Variants in KDM2B observed in about 807,000 individuals in gnomAD.
The protein encoded by KDM2B is lysine demethylase 2B.
A neutral mutation model predicts 150.0 loss-of-function variants in KDM2B; 26 were observed. The ratio of observed to expected loss-of-function variants is 0.17; its 90% CI spans 0.13 to 0.24. The LOEUF (loss-of-function observed/expected upper bound fraction) is 0.24. KDM2B is among the 10% of genes least tolerant of loss of function. The pLI, the probability that KDM2B is intolerant of heterozygous loss-of-function variation, is 1.00. For missense variants in KDM2B, 1,265 were observed against 1,816.9 expected (o/e 0.70, Z 5.52); for synonymous variants, 734 against 729.5 (o/e 1.01, Z -0.10).
At chr12:121,550,164 G>T (rs565168103) in intron 4 of KDM2B, among the ~76,000 whole-genome samples, 1 of 152,248 alleles carries the variant, frequency 6.6e-6, no homozygotes, top group African/African-American at 2.4e-5. Flanking sequence ...ACAAAAAATA[G>T]CCGGGCGTGG....
At chr12:121,509,278 G>A (rs554276999) in intron 11 of KDM2B, among the ~76,000 whole-genome samples, 24 of 151,760 alleles carry the variant, frequency 1.6e-4, no homozygotes, top group Admixed American at 8.5e-4. Context: ...TAGCCAGGCT[G>A]GTCTTGAACT....
chr12:121,456,563 G>A (rs1338713377), intron 12 of KDM2B, among the ~76,000 whole-genome samples: 6 of 152,172 alleles, frequency 3.9e-5, no homozygotes, highest in Non-Finnish European at 5.9e-5. Context: ...GTCTAAAGAC[G>A]AGCTTCTCTG....
chr12:121,509,734 G>A lies in KDM2B; in HGVS notation c.1480C>T (p.Pro494Ser). The change falls in exon 11 of 23, where the codon CCC (proline) becomes TCC (serine). Residue 494 changes from proline (P) to serine (S), a missense_variant. Around this residue, in one of 11 missense-constraint regions of KDM2B, gnomAD observed 154 missense variants for 162.5 expected, o/e 0.95. Coordinates refer to ENST00000377071, the MANE Select transcript of KDM2B (RefSeq NM_032590.5). ...ACCTCCGTGGCGGGAGAGCCGGTGGGGGTCTTGGGGTAGTCTACGGCCAAT... is the reference window on the plus strand; with the variant it reads ...ACCTCCGTGGCGGGAGAGCCGGTGGAGGTCTTGGGGTAGTCTACGGCCAAT... ...TTLAVDYPKT[P>S]TGSPATEVSA... 1 of 1,614,106 alleles carries A rather than the reference G, an allele frequency of 6.2e-7. No homozygotes were observed. Among genetic ancestry groups the A allele is most frequent in the South Asian group, 1.1e-5 (1 of 91,084 alleles).
At chr12:121,572,368 C>G (rs1474838304) in intron 4 of KDM2B, among the ~76,000 whole-genome samples, 13 of 152,230 alleles carry the variant, frequency 8.5e-5, no homozygotes, top group Admixed American at 4.6e-4. Context: ...CACATCCCAG[C>G]TCCGTGGCCT....
chr12:121,524,678 C>G (rs549544326), intron 8 of KDM2B: 1 of 454,316 alleles, frequency 2.2e-6, no homozygotes, highest in South Asian at 1.6e-5. Context: ...ATCCATACCC[C>G]TCCTCCGATG....
the KDM2B span, among the ~76,000 whole-genome samples, chr12:121,412,005 A>G: frequency 1.3e-5 from 2 of 152,172 alleles, no homozygotes; most frequent in Non-Finnish European, 2.9e-5. Context: ...CAGTTTTAAG[A>G]GTGCATACTC....
chr12:121,426,620 ATTTTTTTTT>A (rs34070273), downstream of KDM2B, among the ~76,000 whole-genome samples: 8 of 113,552 alleles, frequency 7.0e-5, no homozygotes, highest in African/African-American at 2.7e-4. Flanking sequence ...ATTTTAAACA[ATTTTTTTTT>A]TTTTTTTTTT....
rs1479037965 is a variant in KDM2B at position 121,480,636 on chromosome 12, TGGTGCACACCTGTAGTCCCA to T, written c.1734+13923_1734+13942del. Among the ~76,000 whole-genome samples, 318 of 135,780 alleles carry T rather than the reference TGGTGCACACCTGTAGTCCCA, an allele frequency of 2.3e-3. 3 individuals carry two copies. The highest frequency in any genetic ancestry group is 8.2e-3 in the African/African-American group (296 of 36,262). 89.1% of individuals were successfully genotyped at this position (135,780 alleles called of 152,430 possible). A position where few individuals can be genotyped will look rare whatever the true frequency, so the allele number is the denominator to read the frequency against. ...CCACAAAAAACTTAGCCGGGTGTGGTGGTGCACACCTGTAGTCCCAGGTACTCAGGAGGCTGAGGTGAGAG... is the reference window on the plus strand; with the variant it reads ...CCACAAAAAACTTAGCCGGGTGTGGTGGTACTCAGGAGGCTGAGGTGAGAG... On this transcript the variant is annotated intron_variant, in intron 12 of 22. Transcript: ENST00000377071.
the KDM2B span, among the ~76,000 whole-genome samples, chr12:121,419,604 G>A: frequency 6.6e-6 from 1 of 152,122 alleles, no homozygotes; most frequent in African/African-American, 2.4e-5. Context: ...ATTGGGAACC[G>A]ACCTAGCTTA....
At chr12:121,445,075 T>C (rs946067536) in intron 14 of KDM2B, 200 bp downstream of exon 14, 9 of 586,212 alleles carry the variant, frequency 1.5e-5, no homozygotes, top group Non-Finnish European at 2.4e-5. Context: ...GGTGTGTTTA[T>C]TCCTTTGATG....
At chr12:121,427,698 C>T (rs1409550750), downstream of KDM2B, among the ~76,000 whole-genome samples, 2 of 148,698 alleles carry the variant, frequency 1.3e-5, no homozygotes, top group African/African-American at 2.4e-5. Context: ...TGCTGTATTG[C>T]ACATCCATGT....
At position 121,454,550 on chromosome 12, in the gene KDM2B, C is replaced by G. The variant is rs533729336; in HGVS notation, c.1735-1206G>C. ...TGAGGACACTGTCCACAGAGGTCCC[C>G]TGTCCACCTGGGACCTGTAGTGGGA... On this transcript the variant is annotated intron_variant, in intron 12 of 22. Coordinates refer to ENST00000377071, the MANE Select transcript of KDM2B (RefSeq NM_032590.5). 5.3e-5 allele frequency among the ~76,000 whole-genome samples: 8 copies of G among 152,318 alleles called. No individual in the cohort carries two copies. In the South Asian group the frequency reaches 1.7e-3, roughly 32 times the overall value.
rs182026008 is a variant in KDM2B, at chr12:121,465,286, G to A, written c.1735-11942C>T. On this transcript the variant is annotated intron_variant, in intron 12 of 22. Coordinates refer to ENST00000377071, the MANE Select transcript of KDM2B (RefSeq NM_032590.5). ...CTCGTCGCTCAGGCTGGAGTGCAGT[G>A]GCACGATCTCGGCTCATTGCAACCG... Among the ~76,000 whole-genome samples, 553 of 152,302 alleles carry A rather than the reference G, an allele frequency of 3.6e-3. 1 individual carries two copies. Among genetic ancestry groups the A allele is most frequent in the Middle Eastern group, 0.031 (9 of 294 alleles).
At chr12:121,419,005 A>G in the KDM2B span, among the ~76,000 whole-genome samples, 1 of 152,164 alleles carries the variant, frequency 6.6e-6, no homozygotes, top group East Asian at 1.9e-4. Context: ...CGCCTGGCCA[A>G]GAGTGTCTTT....
chr12:121,571,810 C>A (rs1322239250), intron 4 of KDM2B, among the ~76,000 whole-genome samples: 1 of 151,692 alleles, frequency 6.6e-6, no homozygotes, highest in African/African-American at 2.4e-5. Context: ...GCCACTACAC[C>A]CAGCTAATTT....
chr12:121,574,040 C>T lies in KDM2B; in HGVS notation c.397+507G>A, dbSNP rs75936291. ...CAACTGCCTGTAAGATCTGAAATGC[C>T]ACCTACTACTGGCCGAGCGTCCAGA... On this transcript the variant is annotated intron_variant, in intron 4 of 22. Transcript: ENST00000377071. Among the ~76,000 whole-genome samples, 7 of 152,242 alleles carry T rather than the reference C, an allele frequency of 4.6e-5. No homozygotes were observed. In the East Asian group the frequency reaches 9.6e-4, roughly 21 times the overall value.
intron 4 of KDM2B, among the ~76,000 whole-genome samples, chr12:121,563,252 C>A (rs1890468224): frequency 6.6e-6 from 1 of 151,810 alleles, no homozygotes; most frequent in South Asian, 2.1e-4. Flanking sequence ...GAGGTCAAGT[C>A]TGCAGTGAGG....
Position 121,442,345 on chromosome 12 carries a change from C to A in KDM2B, c.3096G>T (p.Pro1032=). The A allele has an allele frequency of 9.3e-7, 1 of 1,079,126 alleles. No homozygotes were observed. 66.8% of individuals were successfully genotyped at this position (1,079,126 alleles called of 1,614,324 possible). The change falls in exon 19 of 23, where the codon CCG becomes CCT. Residue 1032 remains proline (P), a synonymous_variant. Coordinates refer to ENST00000377071, the MANE Select transcript of KDM2B (RefSeq NM_032590.5). This position sits in a 1 kb window ranked among gnomAD's most constrained non-coding sequence, Gnocchi z 7.7. ...VISRPPPSVS[P]PKCIQMERHV... is the part of the protein sequence containing the mutation. ...GGCGCTCCATCTGGATACACTTGGGCGGGGACACGGAGGGTGGGGGCCGGG... is the reference window on the plus strand; with the variant it reads ...GGCGCTCCATCTGGATACACTTGGGAGGGGACACGGAGGGTGGGGGCCGGG...
chr12:121,458,354 G>A (rs1219646103), intron 12 of KDM2B, among the ~76,000 whole-genome samples: 1 of 152,072 alleles, frequency 6.6e-6, no homozygotes, highest in African/African-American at 2.4e-5. Context: ...CAACCTGGAC[G>A]ACAGAATAAA....
Sources: gnomAD v4.1 joint callset for allele counts (sites outside exome capture counted in the v4.1 genomes callset) on GRCh38, gnomAD v4.1.1 for gene constraint, gnomAD v4.1.1 regional missense constraint, Gnocchi (gnomAD v3.1) non-coding constraint, MANE v1.5 for transcripts, NCBI Gene and HGNC (gene_info 2026-07-23, HGNC 2026-07-21) for gene names.